Variants in HSD17B4 observed in about 807,000 individuals in gnomAD.
The protein encoded by HSD17B4 is hydroxysteroid 17-beta dehydrogenase 4.
A neutral mutation model predicts 101.0 loss-of-function variants in HSD17B4; 70 were observed. The ratio of observed to expected loss-of-function variants is 0.69; its 90% CI spans 0.57 to 0.85. The LOEUF (loss-of-function observed/expected upper bound fraction) is 0.85, where lower values mean the gene tolerates loss of function less well. HSD17B4 is among the 40% of genes least tolerant of loss of function. The pLI is 0.00. For missense variants in HSD17B4, 984 were observed against 892.4 expected, an observed-to-expected ratio of 1.10 and a Z score of -1.31; for synonymous variants, 347 against 297.1, an observed-to-expected ratio of 1.17 and a Z score of -1.73.
At chr5:119,502,730 A>G (rs2126792376) in intron 14 of HSD17B4, among the ~76,000 whole-genome samples, 1 of 152,274 alleles carries the variant, frequency 6.6e-6, no homozygotes, top group South Asian at 2.1e-4. Context: ...ATGTTATACA[A>G]TGTAGAGGTC....
At chr5:119,505,669 G>C (rs1293520431) in intron 14 of HSD17B4, among the ~76,000 whole-genome samples, 1 of 151,772 alleles carries the variant, frequency 6.6e-6, no homozygotes, top group Non-Finnish European at 1.5e-5. Context: ...TGTTCTCTAG[G>C]TATAGAATGA....
At chr5:119,512,346 C>G (rs1021645936) in intron 16 of HSD17B4, among the ~76,000 whole-genome samples, 3 of 152,084 alleles carry the variant, frequency 2.0e-5, no homozygotes, top group Non-Finnish European at 4.4e-5. Flanking sequence ...GAAGCTCAGT[C>G]AACTCCAAAT....
chr5:119,525,354 A>T, intron 18 of HSD17B4, 69 bp downstream of exon 18: 1 of 942,628 alleles, frequency 1.1e-6, no homozygotes, highest in Non-Finnish European at 1.7e-6. Flanking sequence ...TAATGTAAAG[A>T]CACTACTACT....
chr5:119,505,861 A>G (rs1751598265), intron 14 of HSD17B4, among the ~76,000 whole-genome samples: 1 of 152,134 alleles, frequency 6.6e-6, no homozygotes, highest in Non-Finnish European at 1.5e-5. Flanking sequence ...TTTGTTGAAT[A>G]ACAGGGTCAA....
At chr5:119,489,435 A>G (rs1202181752) in intron 9 of HSD17B4, 152 bp downstream of exon 9, 4 of 641,164 alleles carry the variant, frequency 6.2e-6, no homozygotes, top group African/African-American at 5.6e-5. Context: ...TTGGAAAGTA[A>G]TAGTAACTTT....
intron 12 of HSD17B4, among the ~76,000 whole-genome samples, chr5:119,497,278 A>G (rs751228901): frequency 5.3e-5 from 8 of 152,262 alleles, no homozygotes; most frequent in African/African-American, 9.6e-5. Context: ...ACCCCCTGCA[A>G]TGCTGTTTGG....
At chr5:119,466,303 T>TA (rs1185949511) in intron 2 of HSD17B4, among the ~76,000 whole-genome samples, 1 of 152,196 alleles carries the variant, frequency 6.6e-6, no homozygotes, top group Admixed American at 6.5e-5. Context: ...TGGGTATCAG[T>TA]ATAATGCCCA....
At chr5:119,538,403 G>T (rs1352813117) in intron 23 of HSD17B4, among the ~76,000 whole-genome samples, 1 of 152,032 alleles carries the variant, frequency 6.6e-6, no homozygotes, top group Non-Finnish European at 1.5e-5. Flanking sequence ...CTCCCATTCA[G>T]TCTGTTGTTC....
chr5:119,507,836 T>G (rs927672641), intron 15 of HSD17B4, among the ~76,000 whole-genome samples: 1 of 151,940 alleles, frequency 6.6e-6, no homozygotes, highest in African/African-American at 2.4e-5. Flanking sequence ...AAAATTAAAT[T>G]TAAATTTAAG....
chr5:119,502,115 C>T (rs1220840867), intron 14 of HSD17B4, 23 bp downstream of exon 14: 5 of 1,384,768 alleles, frequency 3.6e-6, no homozygotes, highest in Admixed American at 3.3e-5. Context: ...TATACTAATT[C>T]CATAATACCA....
At chr5:119,509,559 T>C (rs753654607) in intron 16 of HSD17B4, 1 of 417,626 alleles carries the variant, frequency 2.4e-6, no homozygotes, top group Non-Finnish European at 4.5e-6. Flanking sequence ...CTTCTTCCTC[T>C]TCTTCTTTTT....
intron 2 of HSD17B4, among the ~76,000 whole-genome samples, chr5:119,464,191 A>G (rs1755574855): frequency 6.6e-6 from 1 of 151,814 alleles, no homozygotes; most frequent in South Asian, 2.1e-4. Flanking sequence ...TTTTAGTTTG[A>G]TCTAGTCCCA....
At chr5:119,491,565 C>T (rs975396254) in intron 9 of HSD17B4, among the ~76,000 whole-genome samples, 6 of 148,696 alleles carry the variant, frequency 4.0e-5, no homozygotes, top group Non-Finnish European at 7.4e-5. Context: ...GGTCATTTGT[C>T]TTATCTCTGC....
chr5:119,525,415 C>A, intron 18 of HSD17B4, 130 bp downstream of exon 18: 1 of 697,634 alleles, frequency 1.4e-6, no homozygotes, highest in Non-Finnish European at 2.6e-6. Context: ...TTATTTATTA[C>A]ATTTATGCAA....
chr5:119,531,723 C>T (rs1210478608), intron 22 of HSD17B4, among the ~76,000 whole-genome samples: 1 of 151,958 alleles, frequency 6.6e-6, no homozygotes, highest in Non-Finnish European at 1.5e-5. Flanking sequence ...ATCTAATCTT[C>T]AGCTTCTTAA....
At chr5:119,502,659 A>T (rs1054366563) in intron 14 of HSD17B4, among the ~76,000 whole-genome samples, 13 of 152,156 alleles carry the variant, frequency 8.5e-5, no homozygotes, top group African/African-American at 2.9e-4. Flanking sequence ...GTCTAATTAT[A>T]TACTGGTCAT....
At chr5:119,531,239 T>C in intron 21 of HSD17B4, 27 bp from the exon 22 acceptor site, 1 of 1,612,080 alleles carries the variant, frequency 6.2e-7, no homozygotes, top group Non-Finnish European at 8.5e-7. Context: ...ACAGAACTTT[T>C]AAAGTTTATT....
chr5:119,541,513 T>G (rs1299025395), intron 23 of HSD17B4, among the ~76,000 whole-genome samples: 1 of 152,204 alleles, frequency 6.6e-6, no homozygotes, highest in Non-Finnish European at 1.5e-5. Flanking sequence ...TTCATGAAAC[T>G]GTAGTAAATA....
intron 2 of HSD17B4, among the ~76,000 whole-genome samples, chr5:119,468,996 T>C (rs1205254732): frequency 6.6e-6 from 1 of 151,884 alleles, no homozygotes; most frequent in Non-Finnish European, 1.5e-5. Context: ...TGACAACGTT[T>C]GAGGGAGGCA....
Sources: gnomAD v4.1 joint callset for allele counts (sites outside exome capture counted in the v4.1 genomes callset) on GRCh38, gnomAD v4.1.1 for gene constraint, MANE v1.5 for transcripts, NCBI Gene and HGNC (gene_info 2026-07-23, HGNC 2026-07-21) for gene names.